The following MTMR7 variants were observed in gnomAD, a reference collection of about 807,000 sequenced individuals.
MTMR7 encodes myotubularin related protein 7.
In MTMR7, 76 loss-of-function variants were observed where a neutral mutation model predicts 81.2. The observed-to-expected ratio is 0.94, with a 90% CI of 0.78 to 1.13. The LOEUF is 1.13. MTMR7 is among the 50% of genes most tolerant of loss of function. The pLI is 0.00. For missense variants in MTMR7, 1,044 were observed against 820.0 expected, an observed-to-expected ratio of 1.27 and a Z score of -3.34; for synonymous variants, 372 against 289.8, an observed-to-expected ratio of 1.28 and a Z score of -2.88.
intron 1 of MTMR7, among the ~76,000 whole-genome samples, chr8:17,374,570 G>A (rs935000634): frequency 6.6e-6 from 1 of 151,988 alleles, no homozygotes; most frequent in African/African-American, 2.4e-5. Flanking sequence ...GCAGTGCGCT[G>A]AGATTGCGCC....
intron 3 of MTMR7, among the ~76,000 whole-genome samples, chr8:17,367,828 C>T (rs937151727): frequency 8.6e-5 from 13 of 151,608 alleles, no homozygotes; most frequent in African/African-American, 3.2e-4. Flanking sequence ...TTTCTCTTCC[C>T]TTCCCCACCC....
At chr8:17,401,869 T>TTTC (rs1223923490) in intron 1 of MTMR7, among the ~76,000 whole-genome samples, 1 of 152,144 alleles carries the variant, frequency 6.6e-6, no homozygotes, top group African/African-American at 2.4e-5. Context: ...TACAAATTAT[T>TTTC]TTAATAAGAT....
intron 3 of MTMR7, among the ~76,000 whole-genome samples, chr8:17,362,288 T>A (rs1205571827): frequency 6.6e-6 from 1 of 152,250 alleles, no homozygotes; most frequent in East Asian, 1.9e-4. Flanking sequence ...ATTTCACATG[T>A]ATTTGGCACT....
rs7011852 is a variant in MTMR7 at position 17,306,015 on chromosome 8, C to G, written c.1152-58G>C. The G allele has an allele frequency of 5.8e-3, 8,141 of 1,412,728 alleles. 364 individuals carry two copies. In the African/African-American group the frequency reaches 0.1, roughly 17 times the overall value. 87.5% of individuals were successfully genotyped at this position (1,412,728 alleles called of 1,614,324 possible). A position where few individuals can be genotyped will look rare whatever the true frequency, so the allele number is the denominator to read the frequency against. ...CAGATTTATTTTTAAAGTACAAAGC[C>G]ATAAATGCAAAAACAACCATAAAAG... On this transcript the variant is annotated intron_variant, in intron 10 of 13. Transcript: ENST00000180173.
intron 7 of MTMR7, among the ~76,000 whole-genome samples, chr8:17,329,402 T>C (rs758510853): frequency 4.6e-5 from 7 of 152,222 alleles, no homozygotes; most frequent in Non-Finnish European, 7.3e-5. Context: ...GCAAGCACCA[T>C]GTTCCCTTAT....
rs752240296 is a variant in MTMR7, at chr8:17,309,308, A to C, written c.1120T>G (p.Trp374Gly). 2 of 1,567,604 alleles carry C rather than the reference A, an allele frequency of 1.3e-6. No homozygotes were observed. Among genetic ancestry groups the C allele is most frequent in the Non-Finnish European group, 8.8e-7 (1 of 1,138,534 alleles). Residue 374 changes from tryptophan to glycine, a missense_variant, in exon 10 of 14, where the codon TGG becomes GGG. By Grantham distance (184) the Trp-to-Gly change is radical. Coordinates refer to ENST00000180173, the MANE Select transcript of MTMR7 (RefSeq NM_004686.5). ...TTAAACTTATGACCAAAGGAAATCC[A>C]GTCCTTTTCAATTAATACCTACACA... Reference protein sequence around the residue: ...KGFMVLIEKDWISFGHKFNHR... With the variant: ...KGFMVLIEKDGISFGHKFNHR...
intron 1 of MTMR7, among the ~76,000 whole-genome samples, chr8:17,376,118 C>T (rs1388590052): frequency 6.6e-6 from 1 of 152,180 alleles, no homozygotes; most frequent in Non-Finnish European, 1.5e-5. Context: ...ATCAATTTAC[C>T]CTCTGTCTCT....
At chr8:17,400,579 T>C (rs763041939) in intron 1 of MTMR7, among the ~76,000 whole-genome samples, 7 of 152,186 alleles carry the variant, frequency 4.6e-5, no homozygotes, top group Non-Finnish European at 1.0e-4. Context: ...AGCGTTACCC[T>C]TGGTTTTTCT....
At chr8:17,387,215 G>A (rs1271131805) in intron 1 of MTMR7, among the ~76,000 whole-genome samples, 1 of 152,156 alleles carries the variant, frequency 6.6e-6, no homozygotes, top group Admixed American at 6.5e-5. Context: ...AGATATCCCA[G>A]GTATTCTGAT....
At chr8:17,384,216 G>C (rs1820855200) in intron 1 of MTMR7, among the ~76,000 whole-genome samples, 1 of 152,034 alleles carries the variant, frequency 6.6e-6, no homozygotes, top group Non-Finnish European at 1.5e-5. Flanking sequence ...TTCGAGACCA[G>C]CCTGGGCAAC....
Position 17,296,849 on chromosome 8 carries a change from A to G in MTMR7, c.*3013T>C, listed in dbSNP as rs1273378137. On this transcript the variant is annotated 3_prime_UTR_variant, in exon 14 of 14. Transcript: ENST00000180173. The stretch of plus-strand genomic sequence containing the variant: ...AGTTGAACTATCCCAGTTTCATTCT[A>G]TACCATTCATTGGATAACCTTGTTA... 6.6e-6 allele frequency: 1 copy of G among 152,330 alleles called. No homozygotes were observed. Among genetic ancestry groups the G allele is most frequent in the South Asian group, 2.1e-4 (1 of 4,832 alleles). 9.4% of individuals were successfully genotyped at this position (152,330 alleles called of 1,614,324 possible). A position where few individuals can be genotyped will look rare whatever the true frequency, so the allele number is the denominator to read the frequency against.
intron 1 of MTMR7, among the ~76,000 whole-genome samples, chr8:17,396,555 T>C (rs1373503186): frequency 6.6e-6 from 1 of 152,140 alleles, no homozygotes; most frequent in Non-Finnish European, 1.5e-5. Flanking sequence ...AGAGGGAAAT[T>C]GCCTATCCCA....
intron 3 of MTMR7, among the ~76,000 whole-genome samples, chr8:17,367,447 C>T (rs911414592): frequency 2.0e-5 from 3 of 152,132 alleles, no homozygotes; most frequent in African/African-American, 7.2e-5. Context: ...CTTATTAATA[C>T]ATTAGATCTA....
At chr8:17,382,624 G>A (rs563012202) in intron 1 of MTMR7, among the ~76,000 whole-genome samples, 3 of 152,074 alleles carry the variant, frequency 2.0e-5, no homozygotes, top group South Asian at 2.1e-4. Context: ...CACGCTACAC[G>A]GCATGCAGAA....
chr8:17,400,797 A>G (rs1821404188), intron 1 of MTMR7, among the ~76,000 whole-genome samples: 1 of 152,228 alleles, frequency 6.6e-6, no homozygotes. Flanking sequence ...CAATCCACTT[A>G]AAAGTGTAGA....
chr8:17,300,045 A>C lies in MTMR7; in HGVS notation c.1800T>G (p.Asp600Glu), dbSNP rs765331226. The C allele has an allele frequency of 1.9e-6, 3 of 1,614,034 alleles. No individual in the cohort carries two copies. The highest frequency in any genetic ancestry group is 4.5e-5 in the East Asian group (2 of 44,880). Residue 600 changes from aspartate to glutamate, a missense_variant, in exon 14 of 14, where the codon GAT becomes GAG. Coordinates refer to ENST00000180173, the MANE Select transcript of MTMR7 (RefSeq NM_004686.5). ...TGTCTTGGGTTAGAATCAGAGCAGA[A>C]TCTTCATCGCCTTGTGAAGGGCTCC... ...PSRSPSQGDE[D>E]SALILTQDNL... is the part of the protein sequence containing the mutation.
intron 1 of MTMR7, among the ~76,000 whole-genome samples, chr8:17,397,272 G>T (rs917654985): frequency 2.0e-5 from 3 of 152,020 alleles, no homozygotes; most frequent in Non-Finnish European, 4.4e-5. Context: ...TGGTCCCTTG[G>T]GGTCCCTGAT....
chr8:17,394,663 A>G (rs979821536), intron 1 of MTMR7, among the ~76,000 whole-genome samples: 2 of 152,220 alleles, frequency 1.3e-5, no homozygotes, highest in Non-Finnish European at 2.9e-5. Context: ...TTAAATGTAT[A>G]CTTTTAAATG....
intron 1 of MTMR7, among the ~76,000 whole-genome samples, chr8:17,399,254 C>A (rs540079062): frequency 6.6e-5 from 10 of 151,944 alleles, no homozygotes; most frequent in African/African-American, 4.8e-5. Flanking sequence ...CACCAAAAAA[C>A]GATTCAAAAT....
Sources: gnomAD v4.1 joint callset for allele counts (sites outside exome capture counted in the v4.1 genomes callset) on GRCh38, gnomAD v4.1.1 for gene constraint, MANE v1.5 for transcripts, NCBI Gene and HGNC (gene_info 2026-07-23, HGNC 2026-07-21) for gene names.